Variants in UTP20 observed in about 807,000 individuals in gnomAD.
UTP20 encodes small subunit processome component 20 homolog.
Under a neutral mutation model 329.5 loss-of-function variants are expected in UTP20, and 164 were observed. That is an observed-to-expected ratio of 0.50 (90% CI 0.44 to 0.57). The LOEUF is 0.57. Among genes scored for constraint, UTP20 ranks in the 20% least tolerant of loss-of-function variants. UTP20 has a pLI of 0.00. For missense variants in UTP20, 3,055 were observed against 3,284.2 expected (o/e 0.93, Z 1.71); for synonymous variants, 1,151 against 1,159.3 (o/e 0.99, Z 0.14).
At chr12:101,375,305 A>ATGGT (rs1436130271) in intron 55 of UTP20, among the ~76,000 whole-genome samples, 2 of 152,042 alleles carry the variant, frequency 1.3e-5, no homozygotes, top group East Asian at 3.9e-4. Context: ...AAGTATCTTC[A>ATGGT]TGGTATATGA....
At chr12:101,315,340 C>T (rs992929828) in intron 21 of UTP20, among the ~76,000 whole-genome samples, 1 of 151,780 alleles carries the variant, frequency 6.6e-6, no homozygotes. Flanking sequence ...AAAAATTAGC[C>T]GGGCCTGGTG....
At chr12:101,289,137 G>GATT in intron 6 of UTP20, 96 bp downstream of exon 6, 5 of 1,073,058 alleles carry the variant, frequency 4.7e-6, no homozygotes, top group Non-Finnish European at 6.8e-6. Context: ...AACACCTTGG[G>GATT]AGGCCGAGGC....
At chr12:101,379,318 C>T in intron 56 of UTP20, 53 bp from the exon 57 acceptor site, 1 of 1,472,962 alleles carries the variant, frequency 6.8e-7, no homozygotes, top group South Asian at 1.4e-5. Flanking sequence ...GTCATATTTA[C>T]CTCTAATCAG....
Position 101,379,507 on chromosome 12 carries a change from C to G in UTP20, c.7533C>G (p.His2511Gln). ...GGAATACCAAAAAGACCAAAAAACA[C>G]CTCCCAGAACCTGTAGCAATCAAGT... is the stretch of plus-strand genomic sequence containing the variant. ...QKWNTKKTKKHLPEPVAIKFL... is the reference protein window; with the variant it reads ...QKWNTKKTKKQLPEPVAIKFL... Residue 2511 changes from histidine to glutamine, a missense_variant, in exon 57 of 62, where the codon CAC becomes CAG. This residue lies in a region of UTP20 where 337 missense variants were observed against 345.5 expected (regional missense o/e 0.98). Coordinates refer to ENST00000261637, the MANE Select transcript of UTP20 (RefSeq NM_014503.3). The G allele has an allele frequency of 6.2e-7, 1 of 1,614,062 alleles. No individual in the cohort carries two copies. The highest frequency in any genetic ancestry group is 1.1e-5 in the South Asian group (1 of 91,052).
chr12:101,311,595 C>T lies in UTP20; in HGVS notation c.2232-124C>T, dbSNP rs150808666. On this transcript the variant is annotated intron_variant, in intron 19 of 61. Coordinates refer to ENST00000261637, the MANE Select transcript of UTP20 (RefSeq NM_014503.3). ...AAAAGTGCAAAAGGTGTTTACGACT[C>T]CACATTGAGGGATAACCTAATTGAC... The T allele has an allele frequency of 4.8e-6, 4 of 824,988 alleles. No individual in the cohort carries two copies. The East Asian group carries it at 1.1e-4, about 22-fold the overall frequency. The allele number at this position is 824,988 out of a possible 1,614,324, so 51.1% of individuals were successfully genotyped here.
chr12:101,317,805 C>A lies in UTP20; in HGVS notation c.2738+142C>A, dbSNP rs556960606. 1.6e-5 allele frequency: 16 copies of A among 979,018 alleles called. No individual in the cohort carries two copies. In the East Asian group the frequency reaches 4.5e-4, roughly 27 times the overall value. 60.6% of individuals were successfully genotyped at this position (979,018 alleles called of 1,614,324 possible). On this transcript the variant is annotated intron_variant, in intron 22 of 61. Coordinates refer to ENST00000261637, the MANE Select transcript of UTP20 (RefSeq NM_014503.3). ...ATCTTCCTGGGATTTTCTTTAACAG[C>A]CTAAAACTGTCAGGCTTCCAAGTTT...
chr12:101,329,356 T>C lies in UTP20; in HGVS notation c.3324T>C (p.Ile1108=), dbSNP rs767466953. ...LNSLEIVLKN[I]SHLISAYLPK... ...GCCTTGAGATAGTATTGAAAAACAT[T>C]AGTCATCTGATCAGCGCATACCTGC... Residue 1108 remains isoleucine (I), a synonymous_variant, in exon 27 of 62, where the codon ATT becomes ATC. Transcript: ENST00000261637. The C allele has an allele frequency of 6.2e-7, 1 of 1,614,136 alleles. No homozygotes were observed. The highest frequency in any genetic ancestry group is 8.5e-7 in the Non-Finnish European group (1 of 1,180,014).
chr12:101,283,924 A>G (rs1269766247), intron 2 of UTP20, among the ~76,000 whole-genome samples: 2 of 151,594 alleles, frequency 1.3e-5, no homozygotes, highest in Non-Finnish European at 2.9e-5. Context: ...TTGTGGTTAC[A>G]TAGTATCTAT....
At chr12:101,375,091 C>T (rs930782395) in intron 55 of UTP20, 152 bp downstream of exon 55, 8 of 621,220 alleles carry the variant, frequency 1.3e-5, no homozygotes, top group Admixed American at 3.1e-5. Flanking sequence ...TGTGTTCAAA[C>T]AGTGTCCTTT....
rs1232937572 is a variant in UTP20 at position 101,353,187 on chromosome 12, GTAAT to G, written c.5107+66_5107+69del. ...TCATCTTATTCTTGGATAGTGTATG[GTAAT>G]TAATTAAAGATGGTGACATTCAACT... is the stretch of plus-strand genomic sequence containing the variant. On this transcript the variant is annotated intron_variant, in intron 40 of 61. Coordinates refer to ENST00000261637, the MANE Select transcript of UTP20 (RefSeq NM_014503.3). The G allele has an allele frequency of 3.3e-6, 4 of 1,224,786 alleles. No individual in the cohort carries two copies. The African/African-American group carries it at 4.5e-5, about 14-fold the overall frequency. The allele number at this position is 1,224,786 out of a possible 1,614,324, so 75.9% of individuals were successfully genotyped here.
intron 17 of UTP20, among the ~76,000 whole-genome samples, chr12:101,307,046 C>T (rs563744182): frequency 2.4e-4 from 36 of 151,658 alleles, no homozygotes; most frequent in Non-Finnish European, 4.3e-4. Flanking sequence ...GGCGTGGTGG[C>T]GGGCACCTGT....
intron 29 of UTP20, among the ~76,000 whole-genome samples, chr12:101,336,325 A>G (rs1868934225): frequency 6.6e-6 from 1 of 152,210 alleles, no homozygotes; most frequent in African/African-American, 2.4e-5. Flanking sequence ...GTGTAGTTGC[A>G]GTTTACATAG....
chr12:101,314,241 G>GAAAAGTCCATCTATT (rs1305783586), intron 21 of UTP20, among the ~76,000 whole-genome samples: 1 of 152,226 alleles, frequency 6.6e-6, no homozygotes, highest in Non-Finnish European at 1.5e-5. Flanking sequence ...AGATGTGTCT[G>GAAAAGTCCATCTATT]AAAAGTCCAT....
At chr12:101,288,891 T>C (rs1481141081) in intron 5 of UTP20, 69 bp from the exon 6 acceptor site, 2 of 1,369,358 alleles carry the variant, frequency 1.5e-6, no homozygotes, top group Non-Finnish European at 2.0e-6. Context: ...GCCCATATTG[T>C]TGACATGTAG....
intron 10 of UTP20, 102 bp downstream of exon 10, chr12:101,292,206 C>G (rs1872181922): frequency 7.8e-7 from 1 of 1,276,764 alleles, no homozygotes; most frequent in Non-Finnish European, 1.1e-6. Flanking sequence ...GCTCTGCCCT[C>G]AAGGAATTTA....
At chr12:101,291,668 CCA>C in intron 8 of UTP20, 72 bp from the exon 9 acceptor site, 1 of 1,443,354 alleles carries the variant, frequency 6.9e-7, no homozygotes, top group Non-Finnish European at 9.2e-7. Flanking sequence ...TTGAACTGTC[CCA>C]CAGTTTTTAT....
chr12:101,377,964 G>A lies in UTP20; in HGVS notation c.7397-1407G>A, dbSNP rs553863178. On this transcript the variant is annotated intron_variant, in intron 56 of 61. Transcript: ENST00000261637. ...CAGCTGGGCATGGAGGCTCATGCCT[G>A]TCATCCCAGCACTTTGGGAGGCTGA... Among the ~76,000 whole-genome samples, 3 of 152,324 alleles carry A rather than the reference G, an allele frequency of 2.0e-5. No individual in the cohort carries two copies. The East Asian group carries it at 5.8e-4, about 29-fold the overall frequency.
At chr12:101,315,409 A>G (rs1565791756) in intron 21 of UTP20, among the ~76,000 whole-genome samples, 1 of 151,414 alleles carries the variant, frequency 6.6e-6, no homozygotes, top group Non-Finnish European at 1.5e-5. Flanking sequence ...GCTTGAACCC[A>G]GGAGGCAGAG....
In UTP20 at chr12:101,342,818, A is replaced by G. The variant is rs758050270; in HGVS notation, c.4277A>G (p.Tyr1426Cys). 4.1e-5 allele frequency: 66 copies of G among 1,613,502 alleles called. No homozygotes were observed. Among genetic ancestry groups the G allele is most frequent in the Non-Finnish European group, 5.4e-5 (64 of 1,179,686 alleles). The part of the protein sequence containing the change: ...TLSDFESGLK[Y>C]ITDVVKLNAF... The stretch of plus-strand genomic sequence containing the variant: ...TCTGATTTTGAGAGTGGGTTAAAAT[A>G]TATTACTGATGTTGTCAAGGTAAGA... The change falls in exon 34 of 62, where the codon TAT becomes TGT. Residue 1426 changes from tyrosine (Y) to cysteine (C), a missense_variant. Around this residue, in one of 3 missense-constraint regions of UTP20, gnomAD observed 2,445 missense variants for 2,575.5 expected, o/e 0.95. Coordinates refer to ENST00000261637, the MANE Select transcript of UTP20 (RefSeq NM_014503.3).
Sources: allele counts gnomAD v4.1 joint callset (sites outside exome capture counted in the v4.1 genomes callset), GRCh38; gene constraint gnomAD v4.1.1; regional missense constraint gnomAD v4.1.1; transcripts MANE v1.5; gene names NCBI Gene and HGNC (gene_info 2026-07-23, HGNC 2026-07-21).